The following FOXO3 variants were observed in gnomAD, a reference collection of about 807,000 sequenced individuals.
The protein encoded by FOXO3 is forkhead box O3.
FOXO3 carries 4 observed loss-of-function variants against 41.9 expected under a neutral mutation model. That is an observed-to-expected ratio of 0.10 (90% CI 0.05 to 0.22). The LOEUF is 0.22. FOXO3 is among the 10% of genes least tolerant of loss of function. The pLI, the probability that FOXO3 is intolerant of heterozygous loss-of-function variation, is 1.00. For missense variants in FOXO3, 534 were observed against 906.8 expected (o/e 0.59, Z 5.28); for synonymous variants, 318 against 389.3 (o/e 0.82, Z 2.16).
intron 2 of FOXO3, among the ~76,000 whole-genome samples, chr6:108,676,934 A>G (rs1475687455): frequency 1.3e-5 from 2 of 152,234 alleles, no homozygotes; most frequent in Admixed American, 6.5e-5. Flanking sequence ...TTTCTGTTCA[A>G]CATTTATCTT....
chr6:108,639,085 C>G (rs920380075), intron 1 of FOXO3, among the ~76,000 whole-genome samples: 6 of 152,110 alleles, frequency 3.9e-5, no homozygotes, highest in African/African-American at 1.4e-4. Flanking sequence ...GTTAATGGAC[C>G]CAGAGGAAAG....
At chr6:108,610,946 C>T (rs935873609) in intron 1 of FOXO3, among the ~76,000 whole-genome samples, 1 of 152,172 alleles carries the variant, frequency 6.6e-6, no homozygotes, top group Non-Finnish European at 1.5e-5. Context: ...AGTTGTATAA[C>T]ACCACAATTA....
intron 1 of FOXO3, among the ~76,000 whole-genome samples, chr6:108,645,489 G>A (rs1778370784): frequency 7.1e-6 from 1 of 140,806 alleles, no homozygotes; most frequent in African/African-American, 2.7e-5. Flanking sequence ...AATCCAGGTT[G>A]ACCCAAAACA....
chr6:108,658,290 A>G (rs1778747112), intron 1 of FOXO3, among the ~76,000 whole-genome samples: 1 of 152,168 alleles, frequency 6.6e-6, no homozygotes, highest in South Asian at 2.1e-4. Context: ...CCCTGTATGA[A>G]TAGAAGGCTG....
Position 108,606,662 on chromosome 6 carries a change from T to G in FOXO3, c.621+44833T>G, listed in dbSNP as rs189346400. Among the ~76,000 whole-genome samples the G allele has an allele frequency of 1.8e-3, 280 of 152,342 alleles. 2 individuals are homozygous for G. Among genetic ancestry groups the G allele is most frequent in the African/African-American group, 6.4e-3 (267 of 41,576 alleles). On this transcript the variant is annotated intron_variant, in intron 1 of 2. Transcript: ENST00000406360. ...TCAGAAAGCCAGGAACTGACAAACT[T>G]TTCTAGTCCTTTTGCCAGCCTGTTC...
chr6:108,662,482 T>C (rs151139551), intron 1 of FOXO3, among the ~76,000 whole-genome samples: 6 of 152,338 alleles, frequency 3.9e-5, no homozygotes, highest in Admixed American at 1.3e-4. Flanking sequence ...TTCTTCTGAA[T>C]GGGAGACTTG....
chr6:108,648,195 C>G (rs1294589307), intron 1 of FOXO3, among the ~76,000 whole-genome samples: 1 of 152,150 alleles, frequency 6.6e-6, no homozygotes, highest in Non-Finnish European at 1.5e-5. Context: ...CTGGACCCTG[C>G]AGAAACTCAG....
chr6:108,571,076 G>T (rs563845979), intron 1 of FOXO3, among the ~76,000 whole-genome samples: 1 of 152,296 alleles, frequency 6.6e-6, no homozygotes, highest in African/African-American at 2.4e-5. Flanking sequence ...CACGTGTCTG[G>T]ATCAGTGGGA....
At position 108,683,880 on chromosome 6, in the gene FOXO3, C is replaced by T. The variant is rs569263401; in HGVS notation, c.*4088C>T. 1 of 152,388 alleles carries T rather than the reference C, an allele frequency of 6.6e-6. No homozygotes were observed. Among genetic ancestry groups the T allele is most frequent in the African/African-American group, 2.4e-5 (1 of 41,412 alleles). 9.4% of individuals were successfully genotyped at this position (152,388 alleles called of 1,614,324 possible). ...GAGGTACGAAAAAGCTAGCCTCTCTCAGAGACCGGGGAGGCAGAGTACTAC... is the reference window on the plus strand; with the variant it reads ...GAGGTACGAAAAAGCTAGCCTCTCTTAGAGACCGGGGAGGCAGAGTACTAC... On this transcript the variant is annotated 3_prime_UTR_variant, in exon 3 of 3. Transcript: ENST00000406360.
intron 2 of FOXO3, among the ~76,000 whole-genome samples, chr6:108,667,406 T>C (rs1470986339): frequency 6.6e-6 from 1 of 152,246 alleles, no homozygotes; most frequent in African/African-American, 2.4e-5. Context: ...CCTTTAAAAA[T>C]AGGCTTTTAA....
upstream of FOXO3, among the ~76,000 whole-genome samples, chr6:108,560,279 G>C (rs1261502733): frequency 5.3e-5 from 8 of 152,220 alleles, no homozygotes; most frequent in Admixed American, 5.2e-4. Flanking sequence ...GAAGATTTAT[G>C]TTCCGACTCG....
chr6:108,654,443 G>A (rs9480867), intron 1 of FOXO3, among the ~76,000 whole-genome samples: 29,050 of 151,942 alleles, frequency 0.19, 3,141 homozygotes, highest in Middle Eastern at 0.32. Flanking sequence ...TTCAGTTGAG[G>A]GCAGGATAAA....
At chr6:108,674,002 A>G (rs1381410987) in intron 2 of FOXO3, among the ~76,000 whole-genome samples, 2 of 152,234 alleles carry the variant, frequency 1.3e-5, no homozygotes, top group African/African-American at 4.8e-5. Flanking sequence ...ATGTACAGAA[A>G]GGATAGGAGA....
At chr6:108,613,573 ATTTCAT>A (rs1357751693) in intron 1 of FOXO3, among the ~76,000 whole-genome samples, 2 of 152,018 alleles carry the variant, frequency 1.3e-5, no homozygotes, top group Non-Finnish European at 2.9e-5. Flanking sequence ...ATCTGTAGTG[ATTTCAT>A]TTTCATTCCT....
chr6:108,666,011 TC>T (rs1779048411), intron 2 of FOXO3, among the ~76,000 whole-genome samples: 1 of 148,660 alleles, frequency 6.7e-6, no homozygotes, highest in Admixed American at 6.6e-5. Context: ...ACCACAAAGA[TC>T]AGGCAGTGTG....
At chr6:108,585,081 CCGGACTG>C (rs1410374803) in intron 1 of FOXO3, among the ~76,000 whole-genome samples, 5 of 131,386 alleles carry the variant, frequency 3.8e-5, no homozygotes, top group Non-Finnish European at 6.2e-5. Flanking sequence ...GTTGCCCAGG[CCGGACTG>C]CGGACTGCAA....
intron 1 of FOXO3, among the ~76,000 whole-genome samples, chr6:108,599,945 T>TGGTCCTCTATGTGAGGAA (rs1776996581): frequency 6.6e-6 from 1 of 152,208 alleles, no homozygotes; most frequent in South Asian, 2.1e-4. Context: ...GCATCTGTGT[T>TGGTCCTCTATGTGAGGAA]GGTCCTCTAT....
At chr6:108,648,971 C>T (rs747129380) in intron 1 of FOXO3, among the ~76,000 whole-genome samples, 16 of 136,062 alleles carry the variant, frequency 1.2e-4, no homozygotes, top group African/African-American at 3.0e-4. Flanking sequence ...CACTCCAGTG[C>T]GTTCCAGCCT....
chr6:108,587,752 A>G (rs1210293613), intron 1 of FOXO3, among the ~76,000 whole-genome samples: 1 of 152,252 alleles, frequency 6.6e-6, no homozygotes, highest in Non-Finnish European at 1.5e-5. Context: ...CACAGAGGTT[A>G]TCTGTACTTA....
Sources: allele counts gnomAD v4.1 joint callset (sites outside exome capture counted in the v4.1 genomes callset), GRCh38; gene constraint gnomAD v4.1.1; transcripts MANE v1.5; gene names NCBI Gene and HGNC (gene_info 2026-07-23, HGNC 2026-07-21).